Variants in ZDHHC13 observed in about 807,000 individuals in gnomAD.
ZDHHC13 encodes the protein palmitoyltransferase ZDHHC13.
Under a neutral mutation model 86.0 loss-of-function variants are expected in ZDHHC13, and 85 were observed. The observed-to-expected ratio is 0.99, with a 90% CI of 0.83 to 1.18. The LOEUF (loss-of-function observed/expected upper bound fraction) is 1.18. ZDHHC13 is among the 50% of genes most tolerant of loss of function. The pLI, the probability that ZDHHC13 is intolerant of heterozygous loss-of-function variation, is 0.00. For missense variants in ZDHHC13, 711 were observed against 730.2 expected, an observed-to-expected ratio of 0.97 and a Z score of 0.30; for synonymous variants, 263 against 246.4, an observed-to-expected ratio of 1.07 and a Z score of -0.63.
At chr11:19,120,594 A>G (rs191625519) in intron 1 of ZDHHC13, among the ~76,000 whole-genome samples, 139 of 152,348 alleles carry the variant, frequency 9.1e-4, no homozygotes, top group Non-Finnish European at 1.4e-3. Flanking sequence ...ATGGAGAAGT[A>G]GCAAATAATT....
intron 8 of ZDHHC13, 113 bp from the exon 9 acceptor site, chr11:19,155,683 G>T: frequency 5.4e-6 from 6 of 1,112,274 alleles, no homozygotes; most frequent in African/African-American, 1.7e-5. Context: ...TGTTAGCTTT[G>T]TTGTTGTATT....
intron 1 of ZDHHC13, among the ~76,000 whole-genome samples, chr11:19,123,789 C>G (rs1025490363): frequency 6.6e-6 from 1 of 152,042 alleles, no homozygotes; most frequent in Non-Finnish European, 1.5e-5. Flanking sequence ...ACAACAACAA[C>G]AACAACAAAC....
intron 16 of ZDHHC13, among the ~76,000 whole-genome samples, chr11:19,174,019 T>C (rs908829162): frequency 5.3e-5 from 8 of 152,216 alleles, no homozygotes; most frequent in African/African-American, 1.4e-4. Flanking sequence ...TAAGTTACTT[T>C]TACTCAGTAC....
chr11:19,159,474 T>A (rs1384285247), intron 10 of ZDHHC13, among the ~76,000 whole-genome samples: 1 of 152,148 alleles, frequency 6.6e-6, no homozygotes, highest in African/African-American at 2.4e-5. Flanking sequence ...AGTGATATTA[T>A]CTAAGGCAAT....
intron 1 of ZDHHC13, among the ~76,000 whole-genome samples, chr11:19,135,460 C>T (rs1332674369): frequency 2.6e-5 from 4 of 152,240 alleles, no homozygotes; most frequent in Admixed American, 6.5e-5. Flanking sequence ...GCACAGCAGT[C>T]TGAGATCAAA....
chr11:19,121,086 T>A (rs1485747964), intron 1 of ZDHHC13, among the ~76,000 whole-genome samples: 1 of 152,244 alleles, frequency 6.6e-6, no homozygotes, highest in East Asian at 1.9e-4. Context: ...GTCCATGACA[T>A]TTGGAAGGTT....
rs570767452 is a variant in ZDHHC13 at position 19,146,436 on chromosome 11, A to T, written c.296+133A>T. ...AAGAACACCCGAAACTTTTTCTGCC[A>T]CACACGTTGGTTATTATAAAGTTGA... On this transcript the variant is annotated intron_variant, in intron 3 of 16. Transcript: ENST00000446113. 3.7e-6 allele frequency: 4 copies of T among 1,082,556 alleles called. No individual in the cohort carries two copies. In the East Asian group the frequency reaches 1.1e-4, roughly 31 times the overall value. 67.1% of individuals were successfully genotyped at this position (1,082,556 alleles called of 1,614,324 possible). A position where few individuals can be genotyped will look rare whatever the true frequency, so the allele number is the denominator to read the frequency against.
rs548915623 is a variant in ZDHHC13 at position 19,137,211 on chromosome 11, G to T, written c.28-5767G>T. ...GACACACATAGGCTCAAAATAAAAGGATGGAGGAAGATCTACCAAGCAAAT... is the reference window on the plus strand; with the variant it reads ...GACACACATAGGCTCAAAATAAAAGTATGGAGGAAGATCTACCAAGCAAAT... On this transcript the variant is annotated intron_variant, in intron 1 of 16. Coordinates refer to ENST00000446113, the MANE Select transcript of ZDHHC13 (RefSeq NM_019028.3). 5.1e-3 allele frequency among the ~76,000 whole-genome samples: 782 copies of T among 152,064 alleles called. 6 individuals carry two copies. Among genetic ancestry groups the T allele is most frequent in the African/African-American group, 0.018 (761 of 41,434 alleles).
At chr11:19,136,621 A>T (rs1170338777) in intron 1 of ZDHHC13, among the ~76,000 whole-genome samples, 2 of 152,046 alleles carry the variant, frequency 1.3e-5, no homozygotes, top group Non-Finnish European at 2.9e-5. Flanking sequence ...TAATTGTCAG[A>T]TTCACCAAAG....
chr11:19,128,399 G>C (rs1026539490), intron 1 of ZDHHC13, among the ~76,000 whole-genome samples: 4 of 152,156 alleles, frequency 2.6e-5, no homozygotes, highest in African/African-American at 9.7e-5. Flanking sequence ...TGCAAACAGC[G>C]ATAGTTTGAC....
chr11:19,136,584 C>T (rs1266012610), intron 1 of ZDHHC13, among the ~76,000 whole-genome samples: 2 of 152,168 alleles, frequency 1.3e-5, no homozygotes, highest in African/African-American at 2.4e-5. Context: ...CAAAGATACT[C>T]CTCGAGAAGA....
Position 19,126,502 on chromosome 11 carries a change from A to ATTT in ZDHHC13, c.27+9251_27+9253dup, listed in dbSNP as rs754405966. On this transcript the variant is annotated intron_variant, in intron 1 of 16. Coordinates refer to ENST00000446113, the MANE Select transcript of ZDHHC13 (RefSeq NM_019028.3). ...TAGGCACATACCACCACCCTGGCTA[A>ATTT]TTTTTTTTTTTTTTTTTTTTTTTTT... is the stretch of plus-strand genomic sequence containing the variant. Among the ~76,000 whole-genome samples, 289 of 95,118 alleles carry ATTT rather than the reference A, an allele frequency of 3.0e-3. 13 individuals are homozygous for ATTT. The highest frequency in any genetic ancestry group is 0.012 in the African/African-American group (237 of 19,968). 62.4% of individuals were successfully genotyped at this position (95,118 alleles called of 152,430 possible). A position where few individuals can be genotyped will look rare whatever the true frequency, so the allele number is the denominator to read the frequency against.
At chr11:19,117,117 C>T (rs574000176), upstream of ZDHHC13, 11 of 976,542 alleles carry the variant, frequency 1.1e-5, no homozygotes, top group African/African-American at 9.8e-5. The surrounding 1 kb of genome is among the most constrained non-coding windows in gnomAD (Gnocchi z 4.2). Context: ...GCTCAGGGCA[C>T]GAGCGGGGAC....
chr11:19,157,327 T>C (rs1849784245), intron 9 of ZDHHC13, among the ~76,000 whole-genome samples: 1 of 152,162 alleles, frequency 6.6e-6, no homozygotes, highest in Non-Finnish European at 1.5e-5. Flanking sequence ...TAAAGGGAAA[T>C]ACAGGGTTGC....
intron 1 of ZDHHC13, among the ~76,000 whole-genome samples, chr11:19,129,589 CTTAT>C (rs770642525): frequency 3.3e-5 from 5 of 151,660 alleles, no homozygotes; most frequent in Non-Finnish European, 7.4e-5. Flanking sequence ...GAATATTCAC[CTTAT>C]TTATTAATAT....
At chr11:19,145,396 C>G (rs1849433132) in intron 2 of ZDHHC13, among the ~76,000 whole-genome samples, 1 of 152,180 alleles carries the variant, frequency 6.6e-6, no homozygotes, top group Non-Finnish European at 1.5e-5. Flanking sequence ...CATACTGCCT[C>G]CAATGCGATC....
At chr11:19,174,355 G>C (rs1373338320) in intron 16 of ZDHHC13, among the ~76,000 whole-genome samples, 1 of 152,200 alleles carries the variant, frequency 6.6e-6, no homozygotes, top group Admixed American at 6.5e-5. Context: ...AGGGGAAGGG[G>C]ACACTACTCT....
At chr11:19,166,540 G>C in intron 14 of ZDHHC13, 155 bp downstream of exon 14, 1 of 516,650 alleles carries the variant, frequency 1.9e-6, no homozygotes, top group Non-Finnish European at 3.3e-6. Context: ...TCAGCATTGG[G>C]AAGCTGCAAG....
At chr11:19,141,153 A>C in intron 1 of ZDHHC13, among the ~76,000 whole-genome samples, 1 of 152,052 alleles carries the variant, frequency 6.6e-6, no homozygotes. Flanking sequence ...GCAATATACT[A>C]TGTTTTATTA....
Sources: allele counts gnomAD v4.1 joint callset (sites outside exome capture counted in the v4.1 genomes callset), GRCh38; gene constraint gnomAD v4.1.1; non-coding constraint Gnocchi (gnomAD v3.1); transcripts MANE v1.5; gene names NCBI Gene and HGNC (gene_info 2026-07-23, HGNC 2026-07-21).